Variants in WDR70 observed in about 807,000 individuals in gnomAD.
The protein encoded by WDR70 is WD repeat domain 70.
WDR70 carries 53 observed loss-of-function variants against 88.6 expected under a neutral mutation model. The observed-to-expected ratio is 0.60, with a 90% confidence interval of 0.48 to 0.75. The LOEUF (loss-of-function observed/expected upper bound fraction) is 0.75. Ranked by LOEUF, WDR70 falls within the 30% of genes least tolerant of loss-of-function variation. WDR70 has a pLI of 0.00. For synonymous variants in WDR70, 280 were observed against 270.0 expected (o/e 1.04, Z -0.36); for missense variants, 610 against 823.2 (o/e 0.74, Z 3.17).
intron 10 of WDR70, among the ~76,000 whole-genome samples, chr5:37,632,639 A>G (rs922879231): frequency 1.3e-5 from 2 of 152,236 alleles, no homozygotes; most frequent in African/African-American, 2.4e-5. Flanking sequence ...AATATTTTGT[A>G]TAGCTATACA....
At chr5:37,412,632 G>C (rs1279872219) in intron 5 of WDR70, among the ~76,000 whole-genome samples, 1 of 152,130 alleles carries the variant, frequency 6.6e-6, no homozygotes, top group Non-Finnish European at 1.5e-5. Flanking sequence ...GTGAGCACCT[G>C]TTCTCCATGA....
chr5:37,749,711 A>G (rs936834344), intron 17 of WDR70, among the ~76,000 whole-genome samples: 1 of 152,014 alleles, frequency 6.6e-6, no homozygotes, highest in Non-Finnish European at 1.5e-5. Flanking sequence ...AATATTCCCT[A>G]CATTTTAATT....
chr5:37,596,063 G>A lies in WDR70; in HGVS notation c.918-9001G>A, dbSNP rs1229633815. ...ATTACTTTTGCAAGCTTTCTTCTCC[G>A]CTTTATTTGGGAACTTAATCGCTTA... On this transcript the variant is annotated intron_variant, in intron 9 of 17. Coordinates refer to ENST00000265107, the MANE Select transcript of WDR70 (RefSeq NM_018034.4). 2.6e-5 allele frequency among the ~76,000 whole-genome samples: 4 copies of A among 152,080 alleles called. No individual in the cohort carries two copies. In the East Asian group the frequency reaches 7.7e-4, roughly 29 times the overall value.
rs1177166491 is a variant in WDR70, at chr5:37,669,369, A to G, written c.1093-28286A>G. 4.0e-5 allele frequency among the ~76,000 whole-genome samples: 6 copies of G among 150,978 alleles called. No homozygotes were observed. In the East Asian group the frequency reaches 1.2e-3, roughly 30 times the overall value. ...GAAGGAGAGAGGGAAGGGGGAAAAC[A>G]TCTTGACCTGGAACATAATTATCTT... On this transcript the variant is annotated intron_variant, in intron 10 of 17. Coordinates refer to ENST00000265107, the MANE Select transcript of WDR70 (RefSeq NM_018034.4).
At chr5:37,426,743 A>G (rs1750135758) in intron 5 of WDR70, among the ~76,000 whole-genome samples, 1 of 151,846 alleles carries the variant, frequency 6.6e-6, no homozygotes, top group African/African-American at 2.4e-5. Flanking sequence ...ATTTTTGGAG[A>G]CTAATTAACA....
At chr5:37,565,404 C>T (rs1742708736) in intron 9 of WDR70, among the ~76,000 whole-genome samples, 1 of 152,004 alleles carries the variant, frequency 6.6e-6, no homozygotes. Context: ...TTTTTTGCTG[C>T]TTAATGTAAG....
chr5:37,577,564 GATA>G (rs1743094783), intron 9 of WDR70, among the ~76,000 whole-genome samples: 1 of 152,170 alleles, frequency 6.6e-6, no homozygotes, highest in African/African-American at 2.4e-5. Context: ...TTCCCAGGGA[GATA>G]ATGTTTTAGT....
intron 17 of WDR70, among the ~76,000 whole-genome samples, chr5:37,740,230 G>C (rs1326193570): frequency 6.6e-6 from 1 of 152,166 alleles, no homozygotes; most frequent in African/African-American, 2.4e-5. Context: ...TGATAAAGTG[G>C]TGACTAAAGA....
intron 5 of WDR70, among the ~76,000 whole-genome samples, chr5:37,401,165 T>TC (rs1749179787): frequency 5.8e-5 from 1 of 17,240 alleles, no homozygotes; most frequent in East Asian, 8.4e-4. Context: ...CACCTAGCTA[T>TC]TTTTTTTTTT....
At chr5:37,715,174 A>G (rs932439807) in intron 13 of WDR70, among the ~76,000 whole-genome samples, 1 of 152,158 alleles carries the variant, frequency 6.6e-6, no homozygotes, top group African/African-American at 2.4e-5. Context: ...TCAAATGTGT[A>G]TGACAGGTGC....
intron 9 of WDR70, among the ~76,000 whole-genome samples, chr5:37,556,401 T>C (rs1240446788): frequency 6.6e-6 from 1 of 152,152 alleles, no homozygotes; most frequent in East Asian, 1.9e-4. Flanking sequence ...AGCTAATTTA[T>C]TGATTTTGAA....
intron 10 of WDR70, among the ~76,000 whole-genome samples, chr5:37,655,734 T>C (rs1211673583): frequency 6.6e-6 from 1 of 151,876 alleles, no homozygotes; most frequent in African/African-American, 2.4e-5. Context: ...TATTCAGCTA[T>C]TTATACTTGT....
At chr5:37,512,828 G>A (rs1009663559) in intron 8 of WDR70, among the ~76,000 whole-genome samples, 6 of 151,862 alleles carry the variant, frequency 4.0e-5, no homozygotes, top group Admixed American at 2.6e-4. Flanking sequence ...CAAGCAATCC[G>A]CCTGTCTTGG....
At chr5:37,463,143 G>A (rs778776273) in intron 7 of WDR70, among the ~76,000 whole-genome samples, 112 of 152,166 alleles carry the variant, frequency 7.4e-4, no homozygotes, top group Non-Finnish European at 1.1e-3. Context: ...ATGGTGGCAC[G>A]CACCTGTAAT....
intron 10 of WDR70, among the ~76,000 whole-genome samples, chr5:37,667,844 GAAAAAAAAA>G (rs70978835): frequency 2.4e-5 from 2 of 82,746 alleles, no homozygotes; most frequent in East Asian, 3.9e-4. Context: ...TGTACGATCT[GAAAAAAAAA>G]AAAAAAAAAA....
At chr5:37,634,820 G>A (rs938880299) in intron 10 of WDR70, among the ~76,000 whole-genome samples, 2 of 152,150 alleles carry the variant, frequency 1.3e-5, no homozygotes. Flanking sequence ...GTCAAGGTAG[G>A]GAGATTTGCC....
chr5:37,681,265 T>G (rs1365764488), intron 10 of WDR70, among the ~76,000 whole-genome samples: 1 of 152,200 alleles, frequency 6.6e-6, no homozygotes, highest in Non-Finnish European at 1.5e-5. Flanking sequence ...TAGTGATTTT[T>G]GTATGTTGGT....
intron 9 of WDR70, among the ~76,000 whole-genome samples, chr5:37,557,959 T>TTTGGAAACTCTTCAA: frequency 6.8e-6 from 1 of 146,506 alleles, no homozygotes; most frequent in South Asian, 2.2e-4. Context: ...AAAAGAGTAT[T>TTTGGAAACTCTTCAA]ATGTATATTT....
chr5:37,594,306 G>A (rs1743630612), intron 9 of WDR70, among the ~76,000 whole-genome samples: 2 of 152,062 alleles, frequency 1.3e-5, no homozygotes, highest in Non-Finnish European at 2.9e-5. Context: ...AATCCATCTT[G>A]AATTAATTTT....
Sources: allele counts gnomAD v4.1 joint callset (sites outside exome capture counted in the v4.1 genomes callset), GRCh38; gene constraint gnomAD v4.1.1; transcripts MANE v1.5; gene names NCBI Gene and HGNC (gene_info 2026-07-23, HGNC 2026-07-21).